Variants in DIAPH3 observed in about 807,000 individuals in gnomAD.
DIAPH3 encodes protein diaphanous homolog 3.
DIAPH3 carries 117 observed loss-of-function variants against 144.3 expected under a neutral mutation model. The observed-to-expected ratio is 0.81, with a 90% CI of 0.70 to 0.95. The LOEUF (loss-of-function observed/expected upper bound fraction) is 0.95, where lower values mean the gene tolerates loss of function less well. Ranked by LOEUF, DIAPH3 falls within the 40% of genes least tolerant of loss-of-function variation. The pLI, the probability that DIAPH3 is intolerant of heterozygous loss-of-function variation, is 0.00. For synonymous variants in DIAPH3, 519 were observed against 488.9 expected (o/e 1.06, Z -0.81); for missense variants, 1,421 against 1,412.7 (o/e 1.01, Z -0.09).
intron 9 of DIAPH3, among the ~76,000 whole-genome samples, chr13:60,007,054 A>AT (rs1044240333): frequency 9.6e-4 from 139 of 145,466 alleles, no homozygotes; most frequent in African/African-American, 1.1e-3. Flanking sequence ...TCATATTCTC[A>AT]TTTTTTTTTT....
At chr13:59,982,762 C>G (rs548309565) in intron 13 of DIAPH3, among the ~76,000 whole-genome samples, 3 of 151,734 alleles carry the variant, frequency 2.0e-5, no homozygotes. Context: ...TTTAATAGAT[C>G]TTTTGCCTAT....
chr13:60,160,000 C>T (rs150169979), intron 1 of DIAPH3, among the ~76,000 whole-genome samples: 8,129 of 152,070 alleles, frequency 0.053, 313 homozygotes, highest in Admixed American at 0.098. Flanking sequence ...CCGAGGTGGG[C>T]GGATCACGAG....
chr13:60,085,348 T>C (rs1445609203), intron 4 of DIAPH3, among the ~76,000 whole-genome samples: 1 of 152,114 alleles, frequency 6.6e-6, no homozygotes, highest in Admixed American at 6.6e-5. Context: ...AAATGGTCCA[T>C]GCTTAGCCTT....
intron 24 of DIAPH3, among the ~76,000 whole-genome samples, chr13:59,813,706 T>C (rs909486585): frequency 6.6e-6 from 1 of 151,674 alleles, no homozygotes; most frequent in African/African-American, 2.4e-5. Flanking sequence ...ATACAAAAAT[T>C]AGCTGGGTGT....
chr13:59,990,488 A>G (rs2051738862), intron 12 of DIAPH3, among the ~76,000 whole-genome samples: 2 of 151,978 alleles, frequency 1.3e-5, no homozygotes, highest in African/African-American at 4.8e-5. Context: ...TAAAACAGTA[A>G]TAGAAATGGA....
chr13:59,877,803 T>C (rs2044728943), intron 21 of DIAPH3, among the ~76,000 whole-genome samples: 1 of 151,750 alleles, frequency 6.6e-6, no homozygotes, highest in Non-Finnish European at 1.5e-5. Context: ...TTTGCAAAGG[T>C]AGTAGGCCAC....
intron 27 of DIAPH3, among the ~76,000 whole-genome samples, chr13:59,684,862 G>A (rs1381018811): frequency 6.6e-6 from 1 of 152,074 alleles, no homozygotes; most frequent in African/African-American, 2.4e-5. Flanking sequence ...ACATAGTATC[G>A]TTAAATTCCT....
intron 25 of DIAPH3, among the ~76,000 whole-genome samples, chr13:59,796,996 C>CG (rs2039643463): frequency 6.6e-6 from 1 of 152,114 alleles, no homozygotes; most frequent in Admixed American, 6.5e-5. Flanking sequence ...CCTGCTATTA[C>CG]TTAGCTACTG....
chr13:59,762,788 T>A (rs1208099483), intron 27 of DIAPH3, among the ~76,000 whole-genome samples: 1 of 152,174 alleles, frequency 6.6e-6, no homozygotes, highest in African/African-American at 2.4e-5. Context: ...GGAAATTTAA[T>A]TGCCATCATA....
At chr13:60,098,500 G>C (rs1448888474) in intron 3 of DIAPH3, among the ~76,000 whole-genome samples, 1 of 151,802 alleles carries the variant, frequency 6.6e-6, no homozygotes, top group Non-Finnish European at 1.5e-5. Flanking sequence ...GAGCTGGGAG[G>C]GGGTACTAAA....
At chr13:59,712,954 A>C (rs1171417711) in intron 27 of DIAPH3, among the ~76,000 whole-genome samples, 1 of 152,150 alleles carries the variant, frequency 6.6e-6, no homozygotes, top group African/African-American at 2.4e-5. Flanking sequence ...TAAAGAATAC[A>C]CAACTATATA....
chr13:59,917,915 A>G (rs919112510), intron 18 of DIAPH3, among the ~76,000 whole-genome samples: 2 of 148,872 alleles, frequency 1.3e-5, no homozygotes, highest in African/African-American at 4.9e-5. Flanking sequence ...AAAAAAAAAA[A>G]AAGTAAGTAG....
At chr13:59,687,238 G>A (rs1269655567) in intron 27 of DIAPH3, among the ~76,000 whole-genome samples, 1 of 152,054 alleles carries the variant, frequency 6.6e-6, no homozygotes, top group Admixed American at 6.6e-5. Flanking sequence ...GGACACCAGC[G>A]TTAAATCACT....
intron 25 of DIAPH3, among the ~76,000 whole-genome samples, chr13:59,793,804 G>A (rs961034828): frequency 6.6e-6 from 1 of 152,084 alleles, no homozygotes; most frequent in Non-Finnish European, 1.5e-5. Flanking sequence ...AAGACTAAGG[G>A]GTTTCCTGGA....
intron 27 of DIAPH3, among the ~76,000 whole-genome samples, chr13:59,773,013 C>G (rs17057257): frequency 0.021 from 3,263 of 152,150 alleles, 108 homozygotes; most frequent in African/African-American, 0.074. Context: ...GATCTACTCT[C>G]TACAGGTTTT....
At chr13:59,928,887 G>A (rs1470485221) in intron 17 of DIAPH3, among the ~76,000 whole-genome samples, 1 of 152,146 alleles carries the variant, frequency 6.6e-6, no homozygotes, top group Non-Finnish European at 1.5e-5. Flanking sequence ...CTTGGGGAAT[G>A]GCAGTAACAG....
At chr13:59,877,582 T>C (rs546541439) in intron 21 of DIAPH3, among the ~76,000 whole-genome samples, 1 of 152,286 alleles carries the variant, frequency 6.6e-6, no homozygotes, top group African/African-American at 2.4e-5. Context: ...TAGCCATATA[T>C]GTTTCATGGC....
intron 27 of DIAPH3, among the ~76,000 whole-genome samples, chr13:59,765,262 T>C (rs1049428841): frequency 4.7e-5 from 7 of 149,424 alleles, no homozygotes; most frequent in Non-Finnish European, 8.8e-5. Context: ...AAATCCATTC[T>C]ATGTGCCATT....
At chr13:59,725,271 T>C (rs1024079159) in intron 27 of DIAPH3, among the ~76,000 whole-genome samples, 20 of 152,356 alleles carry the variant, frequency 1.3e-4, no homozygotes, top group African/African-American at 3.6e-4. Flanking sequence ...ATATTCAGCA[T>C]AGCTTGGCAA....
Sources: allele counts gnomAD v4.1 joint callset (sites outside exome capture counted in the v4.1 genomes callset), GRCh38; gene constraint gnomAD v4.1.1; transcripts MANE v1.5; gene names NCBI Gene and HGNC (gene_info 2026-07-23, HGNC 2026-07-21).